The following CIMAP2 variants were observed in gnomAD, a reference collection of about 807,000 sequenced individuals.
The protein encoded by CIMAP2 is ciliary microtubule-associated protein 2.
chr1:54,841,619 C>T, the CIMAP2 span: 3 of 1,614,144 alleles, frequency 1.9e-6, no homozygotes, highest in Non-Finnish European at 2.5e-6. Flanking sequence ...TCCTTAGAAT[C>T]AGGCTGTTTT....
the CIMAP2 span, among the ~76,000 whole-genome samples, chr1:54,841,249 T>TA: frequency 6.6e-6 from 1 of 152,164 alleles, no homozygotes; most frequent in South Asian, 2.1e-4. Context: ...AACAGATACA[T>TA]AAAGTGTGTA....
the CIMAP2 span, among the ~76,000 whole-genome samples, chr1:54,822,714 C>T: frequency 1.3e-5 from 2 of 152,120 alleles, no homozygotes; most frequent in African/African-American, 4.8e-5. Flanking sequence ...TCATGTTTCC[C>T]AGGCTGATCT....
the CIMAP2 span, among the ~76,000 whole-genome samples, chr1:54,825,793 T>G: frequency 1.3e-5 from 2 of 152,080 alleles, no homozygotes; most frequent in South Asian, 2.1e-4. Context: ...TGGGCCAAAC[T>G]TCTACTCTAG....
chr1:54,812,311 C>G, the CIMAP2 span: 1 of 1,370,278 alleles, frequency 7.3e-7, no homozygotes, highest in Non-Finnish European at 1.0e-6. Flanking sequence ...CCCACACCCC[C>G]TCACTTCACC....
the CIMAP2 span, among the ~76,000 whole-genome samples, chr1:54,837,468 C>T: frequency 1.2e-4 from 18 of 152,296 alleles, no homozygotes; most frequent in East Asian, 3.3e-3. Context: ...GCCTGTCTCA[C>T]AGGCCAGGGT....
chr1:54,811,133 A>G, the CIMAP2 span, among the ~76,000 whole-genome samples: 84 of 152,342 alleles, frequency 5.5e-4, no homozygotes, highest in Non-Finnish European at 7.8e-4. Context: ...AGTATGGACC[A>G]TGCGACACAG....
At chr1:54,811,933 T>TA in the CIMAP2 span, 1 of 1,613,966 alleles carries the variant, frequency 6.2e-7, no homozygotes, top group South Asian at 1.1e-5. Context: ...CCTCATCAGG[T>TA]ACCCCCTCGG....
chr1:54,827,764 T>G, the CIMAP2 span, among the ~76,000 whole-genome samples: 2 of 152,256 alleles, frequency 1.3e-5, no homozygotes, highest in African/African-American at 4.8e-5. Context: ...CAGCTGCTCC[T>G]GCCTTGGCAG....
the CIMAP2 span, chr1:54,806,922 C>CA: frequency 3.6e-6 from 5 of 1,396,652 alleles, no homozygotes; most frequent in South Asian, 5.8e-5. Flanking sequence ...CCAACTCCCC[C>CA]ATGCTCCAGA....
the CIMAP2 span, among the ~76,000 whole-genome samples, chr1:54,833,402 G>A: frequency 3.9e-5 from 6 of 152,176 alleles, no homozygotes; most frequent in South Asian, 4.1e-4. Flanking sequence ...CAACCAGTGC[G>A]CTGCCTTTGA....
the CIMAP2 span, among the ~76,000 whole-genome samples, chr1:54,828,714 C>T: frequency 1.1e-4 from 17 of 152,010 alleles, no homozygotes; most frequent in Admixed American, 9.8e-4. Context: ...TTATTAGCAA[C>T]ACAAATGATA....
chr1:54,817,613 G>A, the CIMAP2 span, among the ~76,000 whole-genome samples: 6 of 152,176 alleles, frequency 3.9e-5, no homozygotes, highest in African/African-American at 1.4e-4. Flanking sequence ...ACAACAGCTT[G>A]TAAATGTTAG....
chr1:54,809,987 C>G, the CIMAP2 span, among the ~76,000 whole-genome samples: 1 of 152,124 alleles, frequency 6.6e-6, no homozygotes, highest in Non-Finnish European at 1.5e-5. Context: ...GACAACGTAA[C>G]ATTCTAGTTA....
the CIMAP2 span, among the ~76,000 whole-genome samples, chr1:54,834,945 A>G: frequency 2.0e-5 from 3 of 152,300 alleles, no homozygotes; most frequent in African/African-American, 7.2e-5. Flanking sequence ...CTTTCTACCT[A>G]TCTGTCTATC....
At chr1:54,838,059 A>G in the CIMAP2 span, among the ~76,000 whole-genome samples, 1 of 152,050 alleles carries the variant, frequency 6.6e-6, no homozygotes, top group Non-Finnish European at 1.5e-5. Flanking sequence ...CCTTCCAAGC[A>G]GGGAGGGCTG....
At chr1:54,812,143 C>T in the CIMAP2 span, 1 of 1,614,250 alleles carries the variant, frequency 6.2e-7, no homozygotes, top group South Asian at 1.1e-5. Flanking sequence ...GACACTTTCT[C>T]TGGTGATCGG....
At chr1:54,841,576 G>A in the CIMAP2 span, 2 of 1,613,780 alleles carry the variant, frequency 1.2e-6, no homozygotes, top group Non-Finnish European at 1.7e-6. Context: ...GTGCTTTAAT[G>A]AGCTGAACTG....
chr1:54,811,772 T>TCCCCCCCCCCCCCCCCC, the CIMAP2 span: 8 of 454,864 alleles, frequency 1.8e-5, no homozygotes, highest in Middle Eastern at 4.9e-4. Flanking sequence ...ACAGCCTCCA[T>TCCCCCCCCCCCCCCCCC]GCCCCCACCC....
At chr1:54,812,053 G>T in the CIMAP2 span, 1 of 1,614,168 alleles carries the variant, frequency 6.2e-7, no homozygotes, top group South Asian at 1.1e-5. Flanking sequence ...TAGGGGAGTG[G>T]TCTGGGACCC....
Sources: gnomAD v4.1 joint callset for allele counts (sites outside exome capture counted in the v4.1 genomes callset) on GRCh38, gnomAD v4.1.1 for gene constraint, MANE v1.5 for transcripts, NCBI Gene and HGNC (gene_info 2026-07-23, HGNC 2026-07-21) for gene names.